The following NDRG2 variants were observed in gnomAD, a reference collection of about 807,000 sequenced individuals.
NDRG2 encodes the protein protein NDRG2.
Under a neutral mutation model 58.2 loss-of-function variants are expected in NDRG2, and 34 were observed. The observed-to-expected ratio is 0.58, with a 90% CI of 0.44 to 0.78. NDRG2 has a LOEUF of 0.78. Ranked by LOEUF, NDRG2 falls within the 30% of genes least tolerant of loss-of-function variation. The pLI is 0.00. For missense variants in NDRG2, 434 were observed against 471.2 expected (o/e 0.92, Z 0.73); for synonymous variants, 187 against 175.9 (o/e 1.06, Z -0.50).
intron 1 of NDRG2, among the ~76,000 whole-genome samples, chr14:21,058,770 A>G (rs981043782): frequency 1.3e-5 from 2 of 152,240 alleles, no homozygotes; most frequent in African/African-American, 4.8e-5. Context: ...TAAGGAAGGA[A>G]GGAAGGGGAA....
chr14:21,066,855 C>G lies in NDRG2; in HGVS notation c.24+3973G>C, dbSNP rs190150474. On this transcript the variant is annotated intron_variant, in intron 1 of 14. Transcript: ENST00000403829. ...AAACCAAAACCAATGAAAAATTAAA[C>G]CATAAATAGAACTGATATATATTTA... Among the ~76,000 whole-genome samples the G allele has an allele frequency of 7.7e-4, 117 of 152,306 alleles. 1 individual carries two copies. Among genetic ancestry groups the G allele is most frequent in the Middle Eastern group, 3.4e-3 (1 of 294 alleles).
intron 6 of NDRG2, chr14:21,021,111 AAC>A (rs1880011761): frequency 3.2e-6 from 2 of 619,666 alleles, no homozygotes; most frequent in Admixed American, 4.2e-5. Flanking sequence ...CCAGCCAACC[AAC>A]ACACTGTTTT....
At chr14:21,028,658 G>A (rs1883860437), upstream of NDRG2, 1 of 152,108 alleles carries the variant, frequency 6.6e-6, no homozygotes, top group African/African-American at 2.4e-5. Flanking sequence ...TTCTTGAGCA[G>A]GAGTAATAAA....
At chr14:21,051,853 C>A (rs1435701379) in intron 1 of NDRG2, among the ~76,000 whole-genome samples, 1 of 152,172 alleles carries the variant, frequency 6.6e-6, no homozygotes, top group Admixed American at 6.5e-5. Context: ...TCAAAGACGA[C>A]CCTCGTGGTA....
In NDRG2 at chr14:21,017,347, T is replaced by C. The variant is rs10196; in HGVS notation, c.*249A>G. ...TGCATATGCCCTCTCCACCTTAACA[T>C]CAAAATGGGGGAGGAGGAGAATTTA... On this transcript the variant is annotated 3_prime_UTR_variant, in exon 16 of 16. Coordinates refer to ENST00000556147, the MANE Select transcript of NDRG2 (RefSeq NM_001320329.2). The C allele has an allele frequency of 0.39, 211,392 of 546,502 alleles. 41,538 individuals carry two copies. Among genetic ancestry groups the C allele is most frequent in the Middle Eastern group, 0.44 (891 of 2,010 alleles). The allele number at this position is 546,502 out of a possible 1,614,324, so 33.9% of individuals were successfully genotyped here. A position where few individuals can be genotyped will look rare whatever the true frequency, so the allele number is the denominator to read the frequency against.
intron 1 of NDRG2, among the ~76,000 whole-genome samples, chr14:21,046,085 A>G (rs1258234821): frequency 1.3e-5 from 2 of 152,258 alleles, no homozygotes; most frequent in East Asian, 3.8e-4. Context: ...TTTTATTTAC[A>G]TAATAAATCA....
Position 21,017,094 on chromosome 14 carries a change from C to G in NDRG2, c.*502G>C. 1 of 438,982 alleles carries G rather than the reference C, an allele frequency of 2.3e-6. No individual in the cohort carries two copies. The highest frequency in any genetic ancestry group is 1.6e-5 in the South Asian group (1 of 62,838). The allele number at this position is 438,982 out of a possible 1,614,324, so 27.2% of individuals were successfully genotyped here. ...TGTTTCTATCACATCCTGAGGACCA[C>G]TAACCCACCAGCAAGTCTCCCCCTG... On this transcript the variant is annotated 3_prime_UTR_variant, in exon 16 of 16. Coordinates refer to ENST00000556147, the MANE Select transcript of NDRG2 (RefSeq NM_001320329.2).
Position 21,024,081 on chromosome 14 carries a change from C to T in NDRG2, c.-58G>A, listed in dbSNP as rs1422854559. ...GGATTAGGGGTCAGGGTTCTCACTC[C>T]TTCTGACTCTGGGGTCTGAGAAAAC... On this transcript the variant is annotated 5_prime_UTR_variant, in exon 1 of 16. Coordinates refer to ENST00000556147, the MANE Select transcript of NDRG2 (RefSeq NM_001320329.2). 3.0e-6 allele frequency: 3 copies of T among 985,384 alleles called. No homozygotes were observed. The East Asian group carries it at 3.4e-4, about 112-fold the overall frequency. 61.0% of individuals were successfully genotyped at this position (985,384 alleles called of 1,614,324 possible). A position where few individuals can be genotyped will look rare whatever the true frequency, so the allele number is the denominator to read the frequency against.
chr14:21,043,606 C>T, intron 1 of NDRG2: 1 of 644,632 alleles, frequency 1.6e-6, no homozygotes, highest in Non-Finnish European at 2.7e-6. Context: ...CTGAAGCTGA[C>T]ACTCTGGTGA....
At position 21,017,142 on chromosome 14, in the gene NDRG2, A is replaced by G. The variant is rs1877238807; in HGVS notation, c.*454T>C. 2.5e-6 allele frequency: 1 copy of G among 401,078 alleles called. No individual in the cohort carries two copies. The highest frequency in any genetic ancestry group is 1.8e-5 in the South Asian group (1 of 55,310). The allele number at this position is 401,078 out of a possible 1,614,324, so 24.8% of individuals were successfully genotyped here. A position where few individuals can be genotyped will look rare whatever the true frequency, so the allele number is the denominator to read the frequency against. On this transcript the variant is annotated 3_prime_UTR_variant, in exon 16 of 16. Transcript: ENST00000556147. ...CTGACACACATTCACGTAGGTCCAT[A>G]CCCTTCAGAGTCCTAAAGGGTTAAT...
intron 1 of NDRG2, chr14:21,043,746 T>C: frequency 2.8e-6 from 1 of 350,924 alleles, no homozygotes; most frequent in Non-Finnish European, 5.4e-6. Context: ...CCCTGCCCCC[T>C]GGCATTAGGG....
intron 1 of NDRG2, among the ~76,000 whole-genome samples, chr14:21,060,874 C>G (rs1363926700): frequency 1.3e-5 from 2 of 152,202 alleles, no homozygotes; most frequent in African/African-American, 4.8e-5. Context: ...CACCTTATCC[C>G]AGGAACTACC....
intron 1 of NDRG2, chr14:21,030,959 GA>G: frequency 6.4e-7 from 1 of 1,563,170 alleles, no homozygotes; most frequent in Non-Finnish European, 8.7e-7. Context: ...TTGGACCTTG[GA>G]AGGTAATGCA....
intron 1 of NDRG2, chr14:21,036,151 T>C: frequency 2.2e-6 from 1 of 455,854 alleles, no homozygotes; most frequent in South Asian, 1.6e-5. Context: ...ATCTTAAACT[T>C]TTCCCAAGCC....
rs749248690 is a variant in NDRG2, at chr14:21,022,873, G to T, written c.108C>A (p.Asp36Glu). The T allele has an allele frequency of 6.2e-7, 1 of 1,613,798 alleles. No homozygotes were observed. Among genetic ancestry groups the T allele is most frequent in the Non-Finnish European group, 8.5e-7 (1 of 1,179,868 alleles). The part of the protein sequence containing the change: ...EAELAARILL[D>E]QGQTHSVETP... ...GCCCCCACACTGTTACCTGTCCCTGGTCCAGGAGGATTCGGGCAGCTAACT... is the reference window on the plus strand; with the variant it reads ...GCCCCCACACTGTTACCTGTCCCTGTTCCAGGAGGATTCGGGCAGCTAACT... The change falls in exon 3 of 16, where the codon GAC (aspartate) becomes GAA (glutamate). Residue 36 changes from aspartate to glutamate, a missense_variant. By Grantham distance (45) the Asp-to-Glu change is conservative. Transcript: ENST00000556147.
intron 1 of NDRG2, chr14:21,034,055 AG>A: frequency 1.2e-6 from 2 of 1,614,162 alleles, no homozygotes; most frequent in Non-Finnish European, 1.7e-6. Context: ...TGGCCTTCCA[AG>A]GGGCATGTAT....
At chr14:21,042,958 C>T in intron 1 of NDRG2, 1 of 1,582,394 alleles carries the variant, frequency 6.3e-7, no homozygotes, top group Non-Finnish European at 8.6e-7. Context: ...CCCAGCGACC[C>T]CTGCCCTCCA....
chr14:21,047,163 T>C (rs1181486895), intron 1 of NDRG2, among the ~76,000 whole-genome samples: 2 of 152,196 alleles, frequency 1.3e-5, no homozygotes, highest in African/African-American at 4.8e-5. Context: ...GTTTCATATA[T>C]AAGCTTTCAC....
upstream of NDRG2, chr14:21,030,388 T>G: frequency 1.7e-6 from 1 of 600,772 alleles, no homozygotes; most frequent in Non-Finnish European, 3.0e-6. Flanking sequence ...AATGGGAGAC[T>G]CATGCTGTAG....
Sources: allele counts gnomAD v4.1 joint callset (sites outside exome capture counted in the v4.1 genomes callset), GRCh38; gene constraint gnomAD v4.1.1; transcripts MANE v1.5; gene names NCBI Gene and HGNC (gene_info 2026-07-23, HGNC 2026-07-21).